The following PAN3 variants were observed in gnomAD, a reference collection of about 807,000 sequenced individuals.
The protein encoded by PAN3 is PAN2-PAN3 deadenylation complex subunit PAN3.
A neutral mutation model predicts 96.2 loss-of-function variants in PAN3; 19 were observed. The observed-to-expected ratio is 0.20, with a 90% confidence interval of 0.14 to 0.29. The LOEUF is 0.29. PAN3 is among the 10% of genes least tolerant of loss of function. The pLI, the probability that PAN3 is intolerant of heterozygous loss-of-function variation, is 1.00. For synonymous variants in PAN3, 433 were observed against 406.6 expected (o/e 1.06, Z -0.78); for missense variants, 882 against 1,108.1 (o/e 0.80, Z 2.90).
At chr13:28,192,708 G>C (rs1243988443) in intron 4 of PAN3, among the ~76,000 whole-genome samples, 2 of 152,162 alleles carry the variant, frequency 1.3e-5, no homozygotes, top group Non-Finnish European at 2.9e-5. Context: ...CGAGCGTAAG[G>C]TGTGTGTTGT....
intron 5 of PAN3, chr13:28,215,593 AT>A: frequency 1.2e-6 from 1 of 834,026 alleles, no homozygotes; most frequent in African/African-American, 1.7e-5. Context: ...CTTGTACTGA[AT>A]TGCCACACAG....
At chr13:28,158,976 T>TA (rs1003152913) in intron 1 of PAN3, among the ~76,000 whole-genome samples, 2 of 152,084 alleles carry the variant, frequency 1.3e-5, no homozygotes, top group Non-Finnish European at 2.9e-5. Context: ...TGATTATTAT[T>TA]AAAAAATAAC....
intron 1 of PAN3, among the ~76,000 whole-genome samples, chr13:28,169,062 G>C (rs1192448614): frequency 1.3e-5 from 2 of 151,968 alleles, no homozygotes; most frequent in Admixed American, 6.6e-5. Context: ...TGGAAACAGT[G>C]TAGGATTTAC....
chr13:28,292,357 A>C, intron 18 of PAN3, 25 bp from the exon 19 acceptor site: 4 of 1,531,182 alleles, frequency 2.6e-6, no homozygotes, highest in Non-Finnish European at 3.5e-6. Context: ...TATGAATTTC[A>C]TATTTTGTGT....
intron 6 of PAN3, among the ~76,000 whole-genome samples, chr13:28,224,203 G>T (rs1441692534): frequency 6.6e-6 from 1 of 152,172 alleles, no homozygotes; most frequent in Non-Finnish European, 1.5e-5. Flanking sequence ...ACTAATTGCT[G>T]AATGTCCTTT....
chr13:28,289,418 C>T (rs1308072923), intron 18 of PAN3, among the ~76,000 whole-genome samples: 2 of 152,082 alleles, frequency 1.3e-5, no homozygotes, highest in African/African-American at 4.8e-5. Context: ...GCTGGGACCA[C>T]AGGCACACGC....
At chr13:28,165,895 T>C (rs1173626535) in intron 1 of PAN3, among the ~76,000 whole-genome samples, 1 of 146,984 alleles carries the variant, frequency 6.8e-6, no homozygotes, top group African/African-American at 2.4e-5. Context: ...ATTAGCATCA[T>C]GGCATGGTCC....
At chr13:28,159,664 T>C (rs1392249784) in intron 1 of PAN3, among the ~76,000 whole-genome samples, 1 of 152,098 alleles carries the variant, frequency 6.6e-6, no homozygotes, top group Non-Finnish European at 1.5e-5. Flanking sequence ...GTCAGGCTGG[T>C]CTTGAACTCC....
intron 15 of PAN3, among the ~76,000 whole-genome samples, chr13:28,279,070 C>G (rs1402792645): frequency 6.6e-6 from 1 of 151,586 alleles, no homozygotes; most frequent in Non-Finnish European, 1.5e-5. Flanking sequence ...GAATTACAAG[C>G]AGAAGAGTGA....
At chr13:28,176,078 A>G (rs1337158245) in intron 2 of PAN3, among the ~76,000 whole-genome samples, 2 of 152,224 alleles carry the variant, frequency 1.3e-5, no homozygotes, top group Non-Finnish European at 2.9e-5. Flanking sequence ...ACCTAATTTT[A>G]TAAGCTCTAT....
chr13:28,242,466 A>C (rs1883763243), intron 6 of PAN3, among the ~76,000 whole-genome samples: 1 of 152,182 alleles, frequency 6.6e-6, no homozygotes, highest in African/African-American at 2.4e-5. Flanking sequence ...GGATTAAGGC[A>C]CAGTTCTTCC....
Position 28,256,503 on chromosome 13 carries a change from C to T in PAN3, c.1212C>T (p.Phe404=), listed in dbSNP as rs369185127. The T allele has an allele frequency of 6.2e-7, 1 of 1,613,870 alleles. No homozygotes were observed. Among genetic ancestry groups the T allele is most frequent in the African/African-American group, 1.3e-5 (1 of 74,916 alleles). Residue 404 remains phenylalanine, a synonymous_variant, in exon 7 of 19, where the codon TTC becomes TTT. Coordinates refer to ENST00000380958, the MANE Select transcript of PAN3 (RefSeq NM_175854.8). ...QKETVGGTTY[F]YTDTTPAPLT... is the part of the protein sequence containing the mutation. ...AAACTGTTGGTGGGACGACTTACTT[C>T]TATACAGACACAACTCCAGCACCTT... is the stretch of plus-strand genomic sequence containing the variant.
At chr13:28,253,906 T>C (rs1265553051) in intron 6 of PAN3, among the ~76,000 whole-genome samples, 1 of 152,246 alleles carries the variant, frequency 6.6e-6, no homozygotes, top group Admixed American at 6.5e-5. Context: ...TACCCTATAG[T>C]AAATTCTACT....
intron 17 of PAN3, among the ~76,000 whole-genome samples, chr13:28,285,284 C>A (rs1352605788): frequency 3.3e-5 from 5 of 152,038 alleles, no homozygotes; most frequent in African/African-American, 1.2e-4. Flanking sequence ...CTTTTAATTT[C>A]TCTTGAGTGG....
intron 4 of PAN3, among the ~76,000 whole-genome samples, chr13:28,178,374 A>C (rs960188992): frequency 6.6e-6 from 1 of 152,168 alleles, no homozygotes; most frequent in African/African-American, 2.4e-5. Flanking sequence ...TAATGGGCCC[A>C]ACAATTTAAA....
At chr13:28,167,647 G>A (rs1009126744) in intron 1 of PAN3, among the ~76,000 whole-genome samples, 4 of 147,926 alleles carry the variant, frequency 2.7e-5, no homozygotes, top group African/African-American at 7.5e-5. Context: ...GACCAGGCTG[G>A]GCAATATGGT....
intron 1 of PAN3, among the ~76,000 whole-genome samples, chr13:28,159,614 A>G (rs1284112440): frequency 2.0e-5 from 3 of 151,792 alleles, no homozygotes; most frequent in Non-Finnish European, 4.4e-5. Context: ...ATGCCCGGCT[A>G]ATTTTGTATT....
At chr13:28,231,005 G>A (rs1882499920) in intron 6 of PAN3, among the ~76,000 whole-genome samples, 1 of 152,154 alleles carries the variant, frequency 6.6e-6, no homozygotes, top group Admixed American at 6.5e-5. Flanking sequence ...AGTCTAGGGA[G>A]ATCCCATCAT....
chr13:28,227,733 A>G (rs1212380040), intron 6 of PAN3, among the ~76,000 whole-genome samples: 1 of 152,242 alleles, frequency 6.6e-6, no homozygotes, highest in East Asian at 1.9e-4. Flanking sequence ...GAAGTAGTAA[A>G]AAGGGAAGGA....
Sources: gnomAD v4.1 joint callset for allele counts (sites outside exome capture counted in the v4.1 genomes callset) on GRCh38, gnomAD v4.1.1 for gene constraint, MANE v1.5 for transcripts, NCBI Gene and HGNC (gene_info 2026-07-23, HGNC 2026-07-21) for gene names.